ATAD5: variants seen among roughly 807,000 people sequenced by gnomAD.
The protein encoded by ATAD5 is ATPase family AAA domain-containing protein 5.
In ATAD5, 58 loss-of-function variants were observed where a neutral mutation model predicts 176.9. That is an observed-to-expected ratio of 0.33 (90% confidence interval 0.27 to 0.41). The LOEUF is 0.41. Ranked by LOEUF, ATAD5 falls within the 10% of genes least tolerant of loss-of-function variation. ATAD5 has a pLI of 1.00. For synonymous variants in ATAD5, 640 were observed against 712.6 expected, an observed-to-expected ratio of 0.90 and a Z score of 1.62; for missense variants, 1,789 against 2,094.1, an observed-to-expected ratio of 0.85 and a Z score of 2.84.
At chr17:30,865,063 C>T (rs1236834661) in intron 10 of ATAD5, 1 of 146,798 alleles carries the variant, frequency 6.8e-6, no homozygotes, top group Non-Finnish European at 1.5e-5. Flanking sequence ...GTACATGTGT[C>T]TTTTTGGTAG....
At chr17:30,889,886 C>CTTT (rs60266614) in intron 19 of ATAD5, among the ~76,000 whole-genome samples, 564 of 95,396 alleles carry the variant, frequency 5.9e-3, no homozygotes, top group Non-Finnish European at 7.2e-3. Flanking sequence ...TCTTTTCTTT[C>CTTT]TTTTTTTTTT....
chr17:30,874,401 C>T (rs528903080), intron 14 of ATAD5, among the ~76,000 whole-genome samples: 2 of 145,724 alleles, frequency 1.4e-5, no homozygotes, highest in East Asian at 2.2e-4. Flanking sequence ...ATTAGCTGGG[C>T]ATGGTGGCGT....
At chr17:30,882,682 C>T (rs1909097129) in intron 18 of ATAD5, among the ~76,000 whole-genome samples, 1 of 152,162 alleles carries the variant, frequency 6.6e-6, no homozygotes, top group Non-Finnish European at 1.5e-5. Flanking sequence ...TTCATTTCAC[C>T]TTCACTGTTG....
chr17:30,894,547 A>G lies in ATAD5; in HGVS notation c.5298-17A>G, dbSNP rs765494954. The G allele has an allele frequency of 1.3e-6, 2 of 1,587,966 alleles. No individual in the cohort carries two copies. The highest frequency in any genetic ancestry group is 1.1e-5 in the South Asian group (1 of 87,438). ...TCTTGGGCATTAAAAATTAAAAACAATGCATTACTTTTACAGCAATGCTTG... is the reference window on the plus strand; with the variant it reads ...TCTTGGGCATTAAAAATTAAAAACAGTGCATTACTTTTACAGCAATGCTTG... On this transcript the variant is annotated splice_polypyrimidine_tract_variant and intron_variant, in intron 21 of 22. Coordinates refer to ENST00000321990, the MANE Select transcript of ATAD5 (RefSeq NM_024857.5).
intron 6 of ATAD5, among the ~76,000 whole-genome samples, chr17:30,853,350 T>C (rs1222957731): frequency 1.3e-5 from 2 of 151,794 alleles, no homozygotes; most frequent in Non-Finnish European, 2.9e-5. Context: ...ATATATAATA[T>C]GTATATTTTT....
intron 14 of ATAD5, among the ~76,000 whole-genome samples, chr17:30,870,953 G>C (rs1224260774): frequency 1.3e-5 from 2 of 151,814 alleles, no homozygotes; most frequent in Non-Finnish European, 2.9e-5. Context: ...GAAGATCAAA[G>C]TTGATAAAAT....
intron 6 of ATAD5, among the ~76,000 whole-genome samples, chr17:30,852,959 A>G (rs1437551679): frequency 3.3e-5 from 5 of 149,748 alleles, no homozygotes; most frequent in Non-Finnish European, 7.4e-5. Context: ...CATGATCTCG[A>G]CTCACTGCAA....
chr17:30,871,836 A>G (rs1029052822), intron 14 of ATAD5, among the ~76,000 whole-genome samples: 4 of 151,934 alleles, frequency 2.6e-5, no homozygotes, highest in African/African-American at 4.8e-5. Context: ...AAATTTATCA[A>G]TCCTGCACTT....
Position 30,878,088 on chromosome 17 carries a change from C to T in ATAD5, c.4004C>T (p.Thr1335Ile), listed in dbSNP as rs1367166774. The change falls in exon 17 of 23, where the codon ACT (threonine) becomes ATT (isoleucine). Residue 1335 changes from threonine to isoleucine, a missense_variant. Transcript: ENST00000321990. ...ACAACTAAACGACCTGTAATCCTTA[C>T]TACAAGTGGTAGGTAACAATGATTT... Reference protein sequence around the residue: ...MATTKRPVILTTSDPTFSLMF... With the variant: ...MATTKRPVILITSDPTFSLMF... 2 of 1,604,280 alleles carry T rather than the reference C, an allele frequency of 1.2e-6. No individual in the cohort carries two copies. Among genetic ancestry groups the T allele is most frequent in the African/African-American group, 2.7e-5 (2 of 74,592 alleles).
intron 14 of ATAD5, among the ~76,000 whole-genome samples, chr17:30,875,869 G>A (rs1489135546): frequency 6.6e-6 from 1 of 151,540 alleles, no homozygotes. Flanking sequence ...CGTGTGCGGT[G>A]GCTCATGCCT....
At chr17:30,863,555 A>G (rs1027376058) in intron 10 of ATAD5, among the ~76,000 whole-genome samples, 2 of 148,360 alleles carry the variant, frequency 1.3e-5, no homozygotes, top group African/African-American at 5.0e-5. Context: ...TTTAGTAGAG[A>G]TGGGGTTTCA....
At chr17:30,839,301 T>C (rs1334966889) in intron 3 of ATAD5, among the ~76,000 whole-genome samples, 1 of 152,114 alleles carries the variant, frequency 6.6e-6, no homozygotes, top group Non-Finnish European at 1.5e-5. Context: ...TTTTTTTTCT[T>C]TTTGAGACGG....
intron 19 of ATAD5, among the ~76,000 whole-genome samples, chr17:30,890,696 C>T (rs1308107941): frequency 6.6e-6 from 1 of 151,848 alleles, no homozygotes; most frequent in Non-Finnish European, 1.5e-5. Flanking sequence ...GCTGGGATTA[C>T]AGGCATGAGC....
At chr17:30,853,907 C>T (rs1018484577) in intron 6 of ATAD5, among the ~76,000 whole-genome samples, 1 of 151,062 alleles carries the variant, frequency 6.6e-6, no homozygotes, top group African/African-American at 2.4e-5. Flanking sequence ...TGAAATATGA[C>T]AGTGATTTTT....
chr17:30,894,228 T>TA, intron 21 of ATAD5, 78 bp downstream of exon 21: 1 of 1,233,484 alleles, frequency 8.1e-7, no homozygotes, highest in Non-Finnish European at 1.1e-6. Context: ...TTTCTTAATT[T>TA]AAAAATGCTG....
chr17:30,857,240 A>G, intron 8 of ATAD5, 128 bp downstream of exon 8: 1 of 988,558 alleles, frequency 1.0e-6, no homozygotes, highest in South Asian at 1.9e-5. Flanking sequence ...TTTTTTTGAG[A>G]CAGAGTCTCC....
intron 1 of ATAD5, among the ~76,000 whole-genome samples, chr17:30,833,296 G>A (rs1597945978): frequency 6.6e-6 from 1 of 152,138 alleles, no homozygotes; most frequent in East Asian, 1.9e-4. Flanking sequence ...TGATTTCTAT[G>A]TGGTCTGTTT....
Position 30,894,136 on chromosome 17 carries a change from A to G in ATAD5, c.5283A>G (p.Ser1761=). 1 of 1,556,002 alleles carries G rather than the reference A, an allele frequency of 6.4e-7. No individual in the cohort carries two copies. The highest frequency in any genetic ancestry group is 8.7e-7 in the Non-Finnish European group (1 of 1,150,762). The change falls in exon 21 of 23, where the codon TCA becomes TCG. Residue 1761 remains serine (S), a synonymous_variant. Coordinates refer to ENST00000321990, the MANE Select transcript of ATAD5 (RefSeq NM_024857.5). ...QKRNNVYFSQ[S]AANLDNAWKR... is the part of the protein sequence containing the mutation. ...GCAATAATGTATACTTTAGTCAGTC[A>G]GCAGCTAATTTAGAGTAAGTCTTAC...
rs71142005 is a variant in ATAD5, at chr17:30,878,718, G to GTTTTTTTTTTTTTTT, written c.4012+638_4012+652dup. 2.1e-4 allele frequency among the ~76,000 whole-genome samples: 12 copies of GTTTTTTTTTTTTTTT among 56,878 alleles called. 3 individuals are homozygous for GTTTTTTTTTTTTTTT. Among genetic ancestry groups the GTTTTTTTTTTTTTTT allele is most frequent in the Non-Finnish European group, 2.3e-4 (7 of 30,948 alleles). 37.3% of individuals were successfully genotyped at this position (56,878 alleles called of 152,430 possible). A position where few individuals can be genotyped will look rare whatever the true frequency, so the allele number is the denominator to read the frequency against. ...TCTTATTAATCAGAAGTTAGGTGGTGTTTTTTTTTTTTTTTTTTTTTTTTT... is the reference window on the plus strand; with the variant it reads ...TCTTATTAATCAGAAGTTAGGTGGTGTTTTTTTTTTTTTTTTTTTTTTTTTTTTTTTTTTTTTTTT... On this transcript the variant is annotated intron_variant, in intron 17 of 22. Coordinates refer to ENST00000321990, the MANE Select transcript of ATAD5 (RefSeq NM_024857.5).
Sources: allele counts gnomAD v4.1 joint callset (sites outside exome capture counted in the v4.1 genomes callset), GRCh38; gene constraint gnomAD v4.1.1; transcripts MANE v1.5; gene names NCBI Gene and HGNC (gene_info 2026-07-23, HGNC 2026-07-21).